SORCS1: variants seen among roughly 807,000 people sequenced by gnomAD.
The protein encoded by SORCS1 is sortilin related VPS10 domain containing receptor 1, also known as VPS10 domain-containing receptor SorCS1.
SORCS1 carries 60 observed loss-of-function variants against 146.1 expected under a neutral mutation model. The observed-to-expected ratio is 0.41, with a 90% confidence interval of 0.33 to 0.51. The LOEUF (loss-of-function observed/expected upper bound fraction) is 0.51. SORCS1 is among the 20% of genes least tolerant of loss of function. SORCS1 has a pLI of 0.21. For synonymous variants in SORCS1, 637 were observed against 584.0 expected (o/e 1.09, Z -1.31); for missense variants, 1,352 against 1,487.6 (o/e 0.91, Z 1.50).
intron 1 of SORCS1, among the ~76,000 whole-genome samples, chr10:107,109,256 T>C (rs988374508): frequency 6.6e-6 from 1 of 152,250 alleles, no homozygotes; most frequent in African/African-American, 2.4e-5. Context: ...CCCTCTGTGC[T>C]GCCCTAGTAG....
intron 6 of SORCS1, among the ~76,000 whole-genome samples, chr10:106,721,155 A>T (rs1274300150): frequency 6.6e-6 from 1 of 152,038 alleles, no homozygotes; most frequent in Admixed American, 6.6e-5. Context: ...AAGAGAGGTG[A>T]GAATGTGCAT....
At chr10:106,925,589 C>G (rs1346209155) in intron 2 of SORCS1, among the ~76,000 whole-genome samples, 1 of 152,172 alleles carries the variant, frequency 6.6e-6, no homozygotes, top group African/African-American at 2.4e-5. Flanking sequence ...CCTCACTGTT[C>G]CCTCCACTTA....
At chr10:106,863,777 G>T (rs1589582056) in intron 2 of SORCS1, among the ~76,000 whole-genome samples, 1 of 148,078 alleles carries the variant, frequency 6.8e-6, no homozygotes, top group African/African-American at 2.5e-5. Flanking sequence ...CAAGTCCCAA[G>T]AGAATTGCCA....
intron 1 of SORCS1, among the ~76,000 whole-genome samples, chr10:106,966,467 T>C (rs1320447891): frequency 6.6e-6 from 1 of 152,236 alleles, no homozygotes; most frequent in East Asian, 1.9e-4. Flanking sequence ...TTATATTTTG[T>C]AGCAGCCCAC....
At chr10:106,816,470 G>C (rs115028377) in intron 3 of SORCS1, among the ~76,000 whole-genome samples, 2,631 of 152,290 alleles carry the variant, frequency 0.017, 103 homozygotes, top group African/African-American at 0.06. Flanking sequence ...CTGTCAGCTT[G>C]CCATAGAGCA....
chr10:107,064,938 T>C (rs1961592021), intron 1 of SORCS1, among the ~76,000 whole-genome samples: 1 of 152,088 alleles, frequency 6.6e-6, no homozygotes, highest in African/African-American at 2.4e-5. Flanking sequence ...ACCATCTAAA[T>C]AGTGGCAAAG....
At chr10:106,700,047 A>C (rs1403628755) in intron 8 of SORCS1, among the ~76,000 whole-genome samples, 1 of 152,180 alleles carries the variant, frequency 6.6e-6, no homozygotes, top group Non-Finnish European at 1.5e-5. Flanking sequence ...ACTAACCCTC[A>C]TGTTAGTGTG....
intron 1 of SORCS1, among the ~76,000 whole-genome samples, chr10:107,156,786 T>G (rs1470022276): frequency 6.6e-6 from 1 of 152,186 alleles, no homozygotes; most frequent in African/African-American, 2.4e-5. Context: ...AGCTTTTATC[T>G]GCATAAGAAA....
chr10:106,738,472 T>C (rs1220867134), intron 5 of SORCS1, among the ~76,000 whole-genome samples: 2 of 152,144 alleles, frequency 1.3e-5, no homozygotes, highest in African/African-American at 4.8e-5. Flanking sequence ...GGTGAAAGCC[T>C]AGAAGAGTTG....
chr10:106,600,272 T>G lies in SORCS1; in HGVS notation c.3166-2822A>C, dbSNP rs41300233. The stretch of plus-strand genomic sequence containing the variant: ...GTTTACAACATTGTTTCATTGGCTC[T>G]ATCTGTGTCACTTACAAAATTTTAA... On this transcript the variant is annotated intron_variant, in intron 23 of 25. Transcript: ENST00000263054. 3.2e-3 allele frequency: 2,956 copies of G among 931,968 alleles called. 8 individuals carry two copies. Among genetic ancestry groups the G allele is most frequent in the Non-Finnish European group, 3.6e-3 (2,801 of 782,048 alleles). 57.7% of individuals were successfully genotyped at this position (931,968 alleles called of 1,614,324 possible). A position where few individuals can be genotyped will look rare whatever the true frequency, so the allele number is the denominator to read the frequency against.
upstream of SORCS1, among the ~76,000 whole-genome samples, chr10:107,169,223 A>G (rs1339427935): frequency 2.0e-5 from 3 of 152,174 alleles, no homozygotes; most frequent in Non-Finnish European, 4.4e-5. Context: ...AATAGTTCTC[A>G]AAATATTTGG....
At chr10:106,942,253 T>C (rs1469234261) in intron 2 of SORCS1, among the ~76,000 whole-genome samples, 3 of 152,206 alleles carry the variant, frequency 2.0e-5, no homozygotes, top group African/African-American at 7.2e-5. Context: ...TAAATATGAA[T>C]GGATCGAAGG....
chr10:106,730,837 T>G (rs1253958004), intron 5 of SORCS1, among the ~76,000 whole-genome samples: 1 of 152,188 alleles, frequency 6.6e-6, no homozygotes, highest in South Asian at 2.1e-4. Context: ...TTTTATACAA[T>G]GAGATTAATT....
intron 1 of SORCS1, among the ~76,000 whole-genome samples, chr10:106,983,307 A>G (rs1422504412): frequency 2.0e-5 from 3 of 150,012 alleles, no homozygotes; most frequent in Non-Finnish European, 4.4e-5. Flanking sequence ...AATTAACACT[A>G]GGGAAGCAAC....
chr10:107,005,745 C>T (rs1957415518), intron 1 of SORCS1, among the ~76,000 whole-genome samples: 3 of 151,920 alleles, frequency 2.0e-5, no homozygotes, highest in African/African-American at 7.3e-5. Flanking sequence ...GAGGTGGGAC[C>T]ATACAATATT....
At chr10:107,114,444 A>C (rs1565062786) in intron 1 of SORCS1, among the ~76,000 whole-genome samples, 3 of 152,150 alleles carry the variant, frequency 2.0e-5, no homozygotes, top group Admixed American at 6.5e-5. Context: ...AAATCAGAAG[A>C]ATGATTCAAC....
At chr10:107,157,822 G>A (rs1565118423) in intron 1 of SORCS1, among the ~76,000 whole-genome samples, 1 of 152,288 alleles carries the variant, frequency 6.6e-6, no homozygotes, top group Non-Finnish European at 1.5e-5. Flanking sequence ...CTTTTATGGA[G>A]CCTGGCCTCA....
At chr10:106,994,086 A>AAAAAAAAAAAAAAAG (rs1554908001) in intron 1 of SORCS1, among the ~76,000 whole-genome samples, 16 of 135,004 alleles carry the variant, frequency 1.2e-4, no homozygotes, top group African/African-American at 4.9e-4. Flanking sequence ...AAAAAAAAAA[A>AAAAAAAAAAAAAAAG]AGAAAATGAG....
At chr10:106,988,950 G>A (rs1216192892) in intron 1 of SORCS1, among the ~76,000 whole-genome samples, 1 of 151,886 alleles carries the variant, frequency 6.6e-6, no homozygotes, top group Non-Finnish European at 1.5e-5. Flanking sequence ...TTCCTCTAAT[G>A]TAAATGGTGT....
Sources: allele counts gnomAD v4.1 joint callset (sites outside exome capture counted in the v4.1 genomes callset), GRCh38; gene constraint gnomAD v4.1.1; transcripts MANE v1.5; gene names NCBI Gene and HGNC (gene_info 2026-07-23, HGNC 2026-07-21).